UBXN6: variants seen among roughly 807,000 people sequenced by gnomAD.
UBXN6 encodes UBX domain-containing protein 6.
A neutral mutation model predicts 51.4 loss-of-function variants in UBXN6; 44 were observed. That is an observed-to-expected ratio of 0.86 (90% CI 0.67 to 1.10). UBXN6 has a LOEUF of 1.10. UBXN6 is among the 50% of genes least tolerant of loss of function. UBXN6 has a pLI of 0.00. For missense variants in UBXN6, 672 were observed against 596.1 expected (o/e 1.13, Z -1.32); for synonymous variants, 316 against 263.2 (o/e 1.20, Z -1.94).
At position 4,445,241 on chromosome 19, in the gene UBXN6, G is replaced by A. The variant is rs1974480513; in HGVS notation, c.*257C>T. On this transcript the variant is annotated 3_prime_UTR_variant, in exon 11 of 11. Transcript: ENST00000301281. ...GGCAGCTTCATGACACAGTTACCAAGCAGCTAGGGAGGGCTTAGATTTGTT... is the reference window on the plus strand; with the variant it reads ...GGCAGCTTCATGACACAGTTACCAAACAGCTAGGGAGGGCTTAGATTTGTT... 2.1e-6 allele frequency: 1 copy of A among 482,586 alleles called. No individual in the cohort carries two copies. Among genetic ancestry groups the A allele is most frequent in the Non-Finnish European group, 3.7e-6 (1 of 268,924 alleles). 29.9% of individuals were successfully genotyped at this position (482,586 alleles called of 1,614,324 possible). A position where few individuals can be genotyped will look rare whatever the true frequency, so the allele number is the denominator to read the frequency against.
At position 4,445,146 on chromosome 19, in the gene UBXN6, G is replaced by A. The variant is rs898236237; in HGVS notation, c.*352C>T. On this transcript the variant is annotated 3_prime_UTR_variant, in exon 11 of 11. Coordinates refer to ENST00000301281, the MANE Select transcript of UBXN6 (RefSeq NM_025241.3). ...GCCAGGTGCAGCCACTGCCACCCAC[G>A]GCACACGGGAACAGGACCCATGCTG... is the stretch of plus-strand genomic sequence containing the variant. The A allele has an allele frequency of 1.1e-4, 29 of 260,784 alleles. No individual in the cohort carries two copies. Among genetic ancestry groups the A allele is most frequent in the African/African-American group, 4.7e-4 (21 of 44,424 alleles). The allele number at this position is 260,784 out of a possible 1,614,324, so 16.2% of individuals were successfully genotyped here. A position where few individuals can be genotyped will look rare whatever the true frequency, so the allele number is the denominator to read the frequency against.
Position 4,445,550 on chromosome 19 carries a change from G to T in UBXN6, c.1274C>A (p.Pro425Gln). 2 of 1,613,864 alleles carry T rather than the reference G, an allele frequency of 1.2e-6. No individual in the cohort carries two copies. Among genetic ancestry groups the T allele is most frequent in the South Asian group, 2.2e-5 (2 of 91,088 alleles). The part of the protein sequence containing the change: ...LEDIKAAGAE[P>Q]DSILKPELLS... ...GAGCTCGGGTTTCAGGATGGAGTCC[G>T]GCTCGGCCCCCGCGGCCTTGATGTC... Residue 425 changes from proline to glutamine, a missense_variant, in exon 11 of 11, where the codon CCG (proline) becomes CAG (glutamine). Transcript: ENST00000301281.
At chr19:4,447,760 G>A (rs544239843) in intron 5 of UBXN6, 135 bp from the exon 6 acceptor site, 14 of 832,950 alleles carry the variant, frequency 1.7e-5, no homozygotes, top group South Asian at 8.6e-5. Flanking sequence ...CCAGTGACGC[G>A]AGGGCAGCAG....
intron 10 of UBXN6, 184 bp from the exon 11 acceptor site, chr19:4,445,807 C>T: frequency 2.7e-6 from 3 of 1,105,798 alleles, no homozygotes; most frequent in Non-Finnish European, 3.8e-6. Flanking sequence ...AAGCCTAAAC[C>T]TACTGCACTA....
chr19:4,451,903 A>C (rs932847901), intron 4 of UBXN6, among the ~76,000 whole-genome samples: 3 of 151,944 alleles, frequency 2.0e-5, no homozygotes, highest in Admixed American at 2.0e-4. Flanking sequence ...TAATCCTAGC[A>C]CTTTGGGAGG....
intron 4 of UBXN6, 59 bp downstream of exon 4, chr19:4,452,305 G>T: frequency 6.3e-7 from 1 of 1,592,390 alleles, no homozygotes; most frequent in South Asian, 1.1e-5. Flanking sequence ...TTCCGATGGA[G>T]GGTGGCTCAG....
In UBXN6 at chr19:4,453,214, G is replaced by A. The variant is rs546880955; in HGVS notation, c.312+244C>T. 2.0e-5 allele frequency among the ~76,000 whole-genome samples: 3 copies of A among 152,294 alleles called. No individual in the cohort carries two copies. The South Asian group carries it at 6.2e-4, about 32-fold the overall frequency. On this transcript the variant is annotated intron_variant, in intron 3 of 10. Coordinates refer to ENST00000301281, the MANE Select transcript of UBXN6 (RefSeq NM_025241.3). The stretch of plus-strand genomic sequence containing the variant: ...CTGCATCTGCCCTTAAGGGGTTAAG[G>A]GGAGGGAGCGATGGGCTCGTGTACC...
intron 1 of UBXN6, among the ~76,000 whole-genome samples, chr19:4,457,216 C>G (rs990743122): frequency 2.6e-5 from 4 of 151,862 alleles, no homozygotes; most frequent in Non-Finnish European, 5.9e-5. Flanking sequence ...ACTCATGATC[C>G]CGTTTTTCCC....
At chr19:4,453,422 T>G in intron 3 of UBXN6, 36 bp downstream of exon 3, 1 of 1,605,252 alleles carries the variant, frequency 6.2e-7, no homozygotes, top group Non-Finnish European at 8.5e-7. Context: ...TCCCCACCCC[T>G]TGGCATGGGA....
At position 4,445,217 on chromosome 19, in the gene UBXN6, G is replaced by A. The variant is rs926146349; in HGVS notation, c.*281C>T. The A allele has an allele frequency of 4.8e-6, 2 of 414,796 alleles. No individual in the cohort carries two copies. The highest frequency in any genetic ancestry group is 3.9e-5 in the Admixed American group (1 of 25,650). 25.7% of individuals were successfully genotyped at this position (414,796 alleles called of 1,614,324 possible). On this transcript the variant is annotated 3_prime_UTR_variant, in exon 11 of 11. Coordinates refer to ENST00000301281, the MANE Select transcript of UBXN6 (RefSeq NM_025241.3). ...GGGAGATGCCACGTGTGTCTGTCCG[G>A]CAGCTTCATGACACAGTTACCAAGC... is the stretch of plus-strand genomic sequence containing the variant.
At chr19:4,450,759 A>C (rs1284947903) in intron 4 of UBXN6, 159 of 7,560 alleles carry the variant, frequency 0.021, no homozygotes, top group African/African-American at 0.079. Flanking sequence ...ACTCTGTCTC[A>C]AAAAAAAAAA....
intron 1 of UBXN6, chr19:4,455,393 A>T (rs1359278894): frequency 6.8e-6 from 5 of 736,816 alleles, no homozygotes; most frequent in African/African-American, 5.8e-5. Context: ...GTGGAAGAGG[A>T]GATGACTCAT....
rs1327341092 is a variant in UBXN6 at position 4,446,718 on chromosome 19, C to T, written c.702G>A (p.Glu234=). 3 of 1,608,482 alleles carry T rather than the reference C, an allele frequency of 1.9e-6. No homozygotes were observed. The highest frequency in any genetic ancestry group is 2.2e-5 in the South Asian group (2 of 90,610). ...QKVLLPAQDQ[E]DPEEFYVLSE... ...TCAGCACGTAGAACTCCTCGGGGTC[C>T]TCTACAGCGTGGCAGGACATGGGTG... Residue 234 remains glutamate, a splice_region_variant and synonymous_variant, in exon 8 of 11, where the codon GAG becomes GAA. Coordinates refer to ENST00000301281, the MANE Select transcript of UBXN6 (RefSeq NM_025241.3).
chr19:4,446,424 G>A lies in UBXN6; in HGVS notation c.921-11C>T, dbSNP rs367564016. On this transcript the variant is annotated splice_polypyrimidine_tract_variant and intron_variant, in intron 8 of 10. Coordinates refer to ENST00000301281, the MANE Select transcript of UBXN6 (RefSeq NM_025241.3). ...TCCACCGCCTCGGACCTGCACACGC[G>A]GGCCAGGTCACGAGGGCTGGCCGGG... 10 of 1,577,004 alleles carry A rather than the reference G, an allele frequency of 6.3e-6. No homozygotes were observed. The highest frequency in any genetic ancestry group is 2.7e-5 in the African/African-American group (2 of 74,352).
rs1974698181 is a variant in UBXN6 at position 4,453,913 on chromosome 19, G to C, written c.247+17C>G. On this transcript the variant is annotated intron_variant, in intron 2 of 10. Transcript: ENST00000301281. Reference sequence around the variant, plus strand: ...TCAAACAGCCCCAACCTGGGCCCGAGGAGGGCCATATCTCACCCTGGTTTC... The same window carrying C: ...TCAAACAGCCCCAACCTGGGCCCGACGAGGGCCATATCTCACCCTGGTTTC... 6.2e-7 allele frequency: 1 copy of C among 1,606,178 alleles called. No individual in the cohort carries two copies. Among genetic ancestry groups the C allele is most frequent in the African/African-American group, 1.3e-5 (1 of 74,886 alleles).
intron 2 of UBXN6, 47 bp from the exon 3 acceptor site, chr19:4,453,569 C>T (rs373495789): frequency 5.0e-6 from 8 of 1,597,810 alleles, no homozygotes; most frequent in African/African-American, 2.7e-5. Flanking sequence ...ATAGTGAGCA[C>T]GCCGCTGTCC....
At chr19:4,446,015 C>T (rs1294869392) in intron 10 of UBXN6, 34 bp downstream of exon 10, 7 of 1,574,554 alleles carry the variant, frequency 4.4e-6, no homozygotes, top group East Asian at 2.3e-5. Context: ...GCAGAGGCAT[C>T]GGGTCAGCGG....
intron 1 of UBXN6, among the ~76,000 whole-genome samples, chr19:4,456,098 G>A (rs778183237): frequency 5.3e-5 from 8 of 149,970 alleles, no homozygotes; most frequent in Non-Finnish European, 1.0e-4. Flanking sequence ...CCTCCGCACC[G>A]CTTCCTTTCC....
chr19:4,446,010 G>A, intron 10 of UBXN6, 39 bp downstream of exon 10: 1 of 1,570,744 alleles, frequency 6.4e-7, no homozygotes, highest in Non-Finnish European at 8.6e-7. Context: ...AACCTGCAGA[G>A]GCATCGGGTC....
Sources: allele counts gnomAD v4.1 joint callset (sites outside exome capture counted in the v4.1 genomes callset), GRCh38; gene constraint gnomAD v4.1.1; transcripts MANE v1.5; gene names NCBI Gene and HGNC (gene_info 2026-07-23, HGNC 2026-07-21).